Variants in DLG2 observed in about 807,000 individuals in gnomAD.
DLG2 encodes the protein discs large MAGUK scaffold protein 2, also known as disks large homolog 2.
Under a neutral mutation model 132.5 loss-of-function variants are expected in DLG2, and 45 were observed. The ratio of observed to expected loss-of-function variants is 0.34; its 90% CI spans 0.27 to 0.44. The LOEUF is 0.44. Among genes scored for constraint, DLG2 ranks in the 20% least tolerant of loss-of-function variants. The probability of loss-of-function intolerance (pLI) is 1.00; values close to 1 mark genes in which losing one functional copy is unlikely to be tolerated. For synonymous variants in DLG2, 424 were observed against 419.6 expected (o/e 1.01, Z -0.13); for missense variants, 1,045 against 1,196.9 (o/e 0.87, Z 1.87).
chr11:84,392,378 C>T (rs972749340), intron 7 of DLG2, among the ~76,000 whole-genome samples: 1 of 152,282 alleles, frequency 6.6e-6, no homozygotes, highest in Non-Finnish European at 1.5e-5. Flanking sequence ...ACTCTATTCA[C>T]AAGGTCAGCA....
intron 6 of DLG2, among the ~76,000 whole-genome samples, chr11:84,888,672 CAA>C (rs5793145): frequency 0.43 from 64,639 of 149,528 alleles, 14,225 homozygotes; most frequent in Middle Eastern, 0.45. Context: ...GCATCTCAGG[CAA>C]AAAAAAAAAT....
chr11:84,087,129 T>G (rs535384863), intron 10 of DLG2, among the ~76,000 whole-genome samples: 39 of 152,286 alleles, frequency 2.6e-4, no homozygotes, highest in Middle Eastern at 6.8e-3. Flanking sequence ...AGTGTACAAG[T>G]TTTTGTGTAG....
chr11:85,508,627 T>C (rs2153149690), intron 3 of DLG2, among the ~76,000 whole-genome samples: 1 of 152,178 alleles, frequency 6.6e-6, no homozygotes, highest in South Asian at 2.1e-4. Flanking sequence ...CTCTAGTTTC[T>C]AGAACAATTG....
chr11:84,030,091 C>G (rs775797578), intron 11 of DLG2, among the ~76,000 whole-genome samples: 1 of 152,004 alleles, frequency 6.6e-6, no homozygotes, highest in Non-Finnish European at 1.5e-5. Flanking sequence ...CTTCCGTCTC[C>G]CCCAAATAAA....
chr11:83,993,344 T>C (rs779345433), intron 11 of DLG2, among the ~76,000 whole-genome samples: 5 of 152,178 alleles, frequency 3.3e-5, no homozygotes, highest in Non-Finnish European at 5.9e-5. Context: ...GAAAGATATG[T>C]ATGCTTTAGT....
At chr11:85,399,903 A>G (rs1278235773) in intron 3 of DLG2, among the ~76,000 whole-genome samples, 1 of 152,150 alleles carries the variant, frequency 6.6e-6, no homozygotes, top group Non-Finnish European at 1.5e-5. Context: ...ACCAAAAGCA[A>G]TGGCAACAAA....
chr11:84,755,027 GTATTAAAAATCC>G (rs1235767321), intron 6 of DLG2, among the ~76,000 whole-genome samples: 1 of 152,122 alleles, frequency 6.6e-6, no homozygotes, highest in Non-Finnish European at 1.5e-5. Flanking sequence ...TAATTTACTT[GTATTAAAAATCC>G]CAAATTTTTG....
chr11:83,966,612 C>A (rs149014703), intron 12 of DLG2, among the ~76,000 whole-genome samples: 1 of 151,864 alleles, frequency 6.6e-6, no homozygotes, highest in African/African-American at 2.4e-5. Context: ...TATCTGGCTA[C>A]TATATAAAAA....
chr11:85,339,837 C>T (rs1304392611), intron 3 of DLG2, among the ~76,000 whole-genome samples: 1 of 152,136 alleles, frequency 6.6e-6, no homozygotes, highest in Non-Finnish European at 1.5e-5. Context: ...AGGATATGAA[C>T]AGACACTTCT....
intron 14 of DLG2, among the ~76,000 whole-genome samples, chr11:83,952,301 C>G (rs1024726733): frequency 6.4e-4 from 98 of 152,042 alleles, no homozygotes; most frequent in African/African-American, 2.2e-3. Flanking sequence ...GAACTGAGAT[C>G]GAGCCACTGA....
Position 83,739,511 on chromosome 11 carries a change from C to T in DLG2, c.1825+47179G>A, listed in dbSNP as rs529832058. 1.1e-4 allele frequency among the ~76,000 whole-genome samples: 17 copies of T among 151,990 alleles called. No individual in the cohort carries two copies. In the South Asian group the frequency reaches 2.9e-3, roughly 26 times the overall value. The stretch of plus-strand genomic sequence containing the variant: ...AATCAGTAAGGAAAAAGAAAGATAA[C>T]TCAATAGAAAAAATGACCGAGAGAT... On this transcript the variant is annotated intron_variant, in intron 18 of 27. Coordinates refer to ENST00000376104, the MANE Select transcript of DLG2 (RefSeq NM_001142699.3).
At chr11:85,598,577 C>A (rs1424719326) in intron 3 of DLG2, 80 bp downstream of exon 3, 2 of 976,826 alleles carry the variant, frequency 2.0e-6, no homozygotes, top group African/African-American at 1.7e-5. Flanking sequence ...TGGTTAACAT[C>A]AGGTTCTTTG....
rs1447332049 is a variant in DLG2, at chr11:85,226,149, T to C, written c.186+59071A>G. 3.3e-5 allele frequency among the ~76,000 whole-genome samples: 5 copies of C among 149,612 alleles called. No individual in the cohort carries two copies. The South Asian group carries it at 8.4e-4, about 25-fold the overall frequency. On this transcript the variant is annotated intron_variant, in intron 4 of 27. Coordinates refer to ENST00000376104, the MANE Select transcript of DLG2 (RefSeq NM_001142699.3). ...TGTTATATTAACAATATATGTGTTATAATTTTTATAATAAAAATAATATAA... is the reference window on the plus strand; with the variant it reads ...TGTTATATTAACAATATATGTGTTACAATTTTTATAATAAAAATAATATAA...
intron 18 of DLG2, among the ~76,000 whole-genome samples, chr11:83,785,473 A>C (rs564743750): frequency 6.6e-6 from 1 of 152,236 alleles, no homozygotes; most frequent in Non-Finnish European, 1.5e-5. Context: ...TGTTGTCATC[A>C]TCCATCTGTG....
chr11:84,548,978 A>G (rs2099396313), intron 6 of DLG2, among the ~76,000 whole-genome samples: 1 of 152,236 alleles, frequency 6.6e-6, no homozygotes, highest in South Asian at 2.1e-4. Context: ...AAGAATTAGA[A>G]TATGTAAAAC....
chr11:85,076,240 T>C (rs1245880890), intron 6 of DLG2, among the ~76,000 whole-genome samples: 1 of 151,960 alleles, frequency 6.6e-6, no homozygotes, highest in Non-Finnish European at 1.5e-5. Flanking sequence ...TCACAGTATT[T>C]TTCCTCACTC....
intron 6 of DLG2, among the ~76,000 whole-genome samples, chr11:84,553,945 A>G (rs1257915287): frequency 2.0e-5 from 3 of 152,236 alleles, no homozygotes; most frequent in Non-Finnish European, 4.4e-5. Flanking sequence ...GATTTGAATG[A>G]CTGCACTGCC....
intron 19 of DLG2, among the ~76,000 whole-genome samples, chr11:83,603,783 C>T (rs999505147): frequency 6.6e-6 from 1 of 151,968 alleles, no homozygotes; most frequent in Non-Finnish European, 1.5e-5. Context: ...GTGTTTTTTC[C>T]TCTTTGTTTT....
At chr11:85,534,852 T>G (rs948999254) in intron 3 of DLG2, among the ~76,000 whole-genome samples, 1 of 152,226 alleles carries the variant, frequency 6.6e-6, no homozygotes, top group Non-Finnish European at 1.5e-5. Flanking sequence ...TGGGTATGTA[T>G]GCAATAATGG....
Sources: gnomAD v4.1 joint callset for allele counts (sites outside exome capture counted in the v4.1 genomes callset) on GRCh38, gnomAD v4.1.1 for gene constraint, MANE v1.5 for transcripts, NCBI Gene and HGNC (gene_info 2026-07-23, HGNC 2026-07-21) for gene names.